The following NLRP3 variants were observed in gnomAD, a reference collection of about 807,000 sequenced individuals.
NLRP3 encodes NACHT, LRR and PYD domains-containing protein 3.
A neutral mutation model predicts 91.3 loss-of-function variants in NLRP3; 48 were observed. That is an observed-to-expected ratio of 0.53 (90% CI 0.42 to 0.67). The LOEUF (loss-of-function observed/expected upper bound fraction) is 0.67, where lower values mean the gene tolerates loss of function less well. NLRP3 is among the 30% of genes least tolerant of loss of function. The pLI, the probability that NLRP3 is intolerant of heterozygous loss-of-function variation, is 0.00. For synonymous variants in NLRP3, 561 were observed against 507.9 expected (o/e 1.10, Z -1.41); for missense variants, 982 against 1,276.9 (o/e 0.77, Z 3.52).
In NLRP3 at chr1:247,448,518, G is replaced by C. The variant is rs1449719967; in HGVS notation, c.*14G>C. 8 of 1,512,508 alleles carry C rather than the reference G, an allele frequency of 5.3e-6. No individual in the cohort carries two copies. Among genetic ancestry groups the C allele is most frequent in the Non-Finnish European group, 7.4e-6 (8 of 1,087,262 alleles). The allele number at this position is 1,512,508 out of a possible 1,614,324, so 93.7% of individuals were successfully genotyped here. On this transcript the variant is annotated 3_prime_UTR_variant, in exon 10 of 10. Coordinates refer to ENST00000336119, the MANE Select transcript of NLRP3 (RefSeq NM_001243133.2). ...CCTTCTTGGTAGGAGTGGAAACGGG[G>C]CTGCCAGACGCCAGTGTTCTCCGGT... is the stretch of plus-strand genomic sequence containing the variant.
At chr1:247,438,329 A>G (rs927841486) in intron 7 of NLRP3, among the ~76,000 whole-genome samples, 1 of 141,680 alleles carries the variant, frequency 7.1e-6, no homozygotes, top group East Asian at 2.1e-4. Context: ...TGGATCCTGC[A>G]TTGGCTTCTC....
In NLRP3 at chr1:247,425,467, G is replaced by A. The variant is rs142651552; in HGVS notation, c.2018G>A (p.Arg673Gln). The A allele has an allele frequency of 3.3e-5, 53 of 1,614,164 alleles. No homozygotes were observed. The African/African-American group carries it at 4.4e-4, about 13-fold the overall frequency. ...VSSFCIENCH[R>Q]VESLSLGFLH... ...TCCTTTTGCATTGAGAACTGTCATC[G>A]GGTGGAGTCACTGTCCCTGGGGTTT... The change falls in exon 4 of 10, where the codon CGG becomes CAG. Residue 673 changes from arginine to glutamine, a missense_variant. This residue lies in a region of NLRP3 where 373 missense variants were observed against 431.5 expected (regional missense o/e 0.86). Coordinates refer to ENST00000336119, the MANE Select transcript of NLRP3 (RefSeq NM_001243133.2). This position sits in a 1 kb window ranked among gnomAD's most constrained non-coding sequence, Gnocchi z 4.1.
chr1:247,441,534 C>T (rs978450892), intron 7 of NLRP3, among the ~76,000 whole-genome samples: 7 of 152,282 alleles, frequency 4.6e-5, no homozygotes, highest in Admixed American at 1.3e-4. Flanking sequence ...ATTCAGTTTT[C>T]ATTATGAGAC....
chr1:247,440,968 T>C (rs746445468), intron 7 of NLRP3, among the ~76,000 whole-genome samples: 1 of 152,146 alleles, frequency 6.6e-6, no homozygotes, highest in East Asian at 1.9e-4. Flanking sequence ...AACATTCCCA[T>C]CTTGAGGTTG....
intron 4 of NLRP3, among the ~76,000 whole-genome samples, chr1:247,428,892 T>C (rs1166099945): frequency 3.3e-5 from 5 of 150,760 alleles, no homozygotes; most frequent in Admixed American, 2.6e-4. Context: ...GCGATTTTCT[T>C]TTTCTTTTTT....
chr1:247,420,957 T>C (rs541226794), intron 2 of NLRP3, among the ~76,000 whole-genome samples: 5 of 152,336 alleles, frequency 3.3e-5, no homozygotes, highest in Admixed American at 1.3e-4. Flanking sequence ...TTTTGTCCAG[T>C]ATCTGCTGTG....
chr1:247,427,434 A>G (rs1662972441), intron 4 of NLRP3, among the ~76,000 whole-genome samples: 1 of 152,250 alleles, frequency 6.6e-6, no homozygotes. Context: ...CCTTATGAAG[A>G]TCACACATCT....
At position 247,418,814 on chromosome 1, in the gene NLRP3, G is replaced by A. The variant is rs772104857; in HGVS notation, c.14G>A (p.Arg5His). MASTRCKLARYLEDL... is the reference protein window; with the variant it reads MASTHCKLARYLEDL... ...CTGCAGATGAAGATGGCAAGCACCC[G>A]CTGCAAGCTGGCCAGGTACCTGGAG... Residue 5 changes from arginine to histidine, a missense_variant, in exon 2 of 10, where the codon CGC becomes CAC. Arg to His is a conservative substitution (Grantham distance 29). Around this residue, in one of 5 missense-constraint regions of NLRP3, gnomAD observed 548 missense variants for 713.7 expected, o/e 0.77. Transcript: ENST00000336119. The A allele has an allele frequency of 1.1e-5, 17 of 1,613,802 alleles. No homozygotes were observed. The highest frequency in any genetic ancestry group is 4.4e-5 in the South Asian group (4 of 91,080).
In NLRP3 at chr1:247,418,350, G is replaced by T; in HGVS notation, c.-451G>T. The T allele has an allele frequency of 4.3e-6, 1 of 230,844 alleles. No individual in the cohort carries two copies. Among genetic ancestry groups the T allele is most frequent in the Non-Finnish European group, 8.8e-6 (1 of 114,172 alleles). The allele number at this position is 230,844 out of a possible 1,614,324, so 14.3% of individuals were successfully genotyped here. A position where few individuals can be genotyped will look rare whatever the true frequency, so the allele number is the denominator to read the frequency against. On this transcript the variant is annotated 5_prime_UTR_variant, in exon 2 of 10. Coordinates refer to ENST00000336119, the MANE Select transcript of NLRP3 (RefSeq NM_001243133.2). Reference sequence around the variant, plus strand: ...GGAGTCTTGCTGTGTCGCCTAGGCTGGAGTGCAGTGGCGTGATCTTGGCTC... The same window carrying T: ...GGAGTCTTGCTGTGTCGCCTAGGCTTGAGTGCAGTGGCGTGATCTTGGCTC...
In NLRP3 at chr1:247,425,828, G is replaced by A; in HGVS notation, c.2150+229G>A. The A allele has an allele frequency of 1.8e-6, 1 of 565,592 alleles. No individual in the cohort carries two copies. 35.0% of individuals were successfully genotyped at this position (565,592 alleles called of 1,614,324 possible). On this transcript the variant is annotated intron_variant, in intron 4 of 9. Transcript: ENST00000336119. This position sits in a 1 kb window ranked among gnomAD's most constrained non-coding sequence, Gnocchi z 4.1. Reference sequence around the variant, plus strand: ...ATAAAACAAGGAACAAATGTTTGGGGAATGCCAGTTTAGCACAAGGTATTA... The same window carrying A: ...ATAAAACAAGGAACAAATGTTTGGGAAATGCCAGTTTAGCACAAGGTATTA...
intron 5 of NLRP3, among the ~76,000 whole-genome samples, chr1:247,432,511 G>A (rs187794620): frequency 6.8e-4 from 103 of 152,234 alleles, no homozygotes; most frequent in Non-Finnish European, 1.1e-3. Context: ...ATTTCAAATC[G>A]TAGTGCCATG....
intron 5 of NLRP3, among the ~76,000 whole-genome samples, chr1:247,430,737 C>T (rs1261238353): frequency 6.6e-6 from 1 of 151,922 alleles, no homozygotes; most frequent in Non-Finnish European, 1.5e-5. Flanking sequence ...TTGCCATTTA[C>T]AACAATGGCA....
chr1:247,424,963 T>G lies in NLRP3; in HGVS notation c.1514T>G (p.Leu505Arg). 1 of 1,614,172 alleles carries G rather than the reference T, an allele frequency of 6.2e-7. No individual in the cohort carries two copies. The highest frequency in any genetic ancestry group is 8.5e-7 in the Non-Finnish European group (1 of 1,180,028). ...GTGTCTGCTTTCCTGAGGATGAACC[T>G]GTTCCAAAAGGAAGTGGACTGCGAG... ...ADVSAFLRMN[L>R]FQKEVDCEKF... is the part of the protein sequence containing the mutation. Residue 505 changes from leucine to arginine, a missense_variant, in exon 4 of 10, where the codon CTG becomes CGG. Leu to Arg is a moderately radical substitution (Grantham distance 102, BLOSUM62 -2). Transcript: ENST00000336119. This position sits in a 1 kb window ranked among gnomAD's most constrained non-coding sequence, Gnocchi z 8.1.
intron 7 of NLRP3, among the ~76,000 whole-genome samples, chr1:247,439,505 G>A (rs545931750): frequency 1.5e-4 from 23 of 152,242 alleles, no homozygotes; most frequent in Non-Finnish European, 2.9e-4. Flanking sequence ...CTGTGTCTGT[G>A]TGTGTCTTTC....
intron 9 of NLRP3, among the ~76,000 whole-genome samples, chr1:247,447,891 C>T (rs1490080663): frequency 2.0e-5 from 3 of 152,060 alleles, no homozygotes; most frequent in Non-Finnish European, 4.4e-5. Flanking sequence ...GTTTAATTGT[C>T]GAACTTGGGT....
At chr1:247,446,443 C>G (rs1176401774) in intron 9 of NLRP3, among the ~76,000 whole-genome samples, 1 of 152,232 alleles carries the variant, frequency 6.6e-6, no homozygotes, top group African/African-American at 2.4e-5. Context: ...TCCAGCCTCT[C>G]CTGCTTCCGA....
chr1:247,423,050 A>T (rs912779767), intron 2 of NLRP3, among the ~76,000 whole-genome samples, 180 bp from the exon 3 acceptor site: 4 of 152,208 alleles, frequency 2.6e-5, no homozygotes. Context: ...TGAAACTAGG[A>T]GTGCAGAAAT....
At chr1:247,432,320 A>G (rs983200495) in intron 5 of NLRP3, among the ~76,000 whole-genome samples, 5 of 113,488 alleles carry the variant, frequency 4.4e-5, no homozygotes, top group Admixed American at 1.4e-4. Flanking sequence ...CCCTTTGTTT[A>G]GCTCCCACTT....
intron 6 of NLRP3, among the ~76,000 whole-genome samples, chr1:247,435,490 T>C (rs1325973708): frequency 6.6e-6 from 1 of 152,148 alleles, no homozygotes; most frequent in Non-Finnish European, 1.5e-5. Flanking sequence ...ACTCTGATTG[T>C]CCTTATAGGA....
Sources: allele counts gnomAD v4.1 joint callset (sites outside exome capture counted in the v4.1 genomes callset), GRCh38; gene constraint gnomAD v4.1.1; regional missense constraint gnomAD v4.1.1; non-coding constraint Gnocchi (gnomAD v3.1); transcripts MANE v1.5; gene names NCBI Gene and HGNC (gene_info 2026-07-23, HGNC 2026-07-21).